The following IFT25 variants were observed in gnomAD, a reference collection of about 807,000 sequenced individuals.
The protein encoded by IFT25 is intraflagellar transport protein 25 homolog.
At chr1:53,932,891 G>T in the IFT25 span, among the ~76,000 whole-genome samples, 1 of 151,912 alleles carries the variant, frequency 6.6e-6, no homozygotes, top group Non-Finnish European at 1.5e-5. Context: ...GTTCCATGTT[G>T]TTGATTATAG....
At chr1:53,932,145 G>T in the IFT25 span, among the ~76,000 whole-genome samples, 7 of 152,272 alleles carry the variant, frequency 4.6e-5, no homozygotes, top group African/African-American at 1.7e-4. Flanking sequence ...GAGGTCAGCA[G>T]TTCAAGACCA....
At chr1:53,919,025 A>T in the IFT25 span, among the ~76,000 whole-genome samples, 4 of 152,198 alleles carry the variant, frequency 2.6e-5, no homozygotes, top group African/African-American at 9.6e-5. Flanking sequence ...TTTAGTAGAA[A>T]ACAGGGTTTC....
the IFT25 span, among the ~76,000 whole-genome samples, chr1:53,944,795 G>T: frequency 1.3e-5 from 2 of 152,124 alleles, no homozygotes; most frequent in Non-Finnish European, 2.9e-5. Flanking sequence ...GGTATTCCCT[G>T]ATGCCTTATC....
the IFT25 span, among the ~76,000 whole-genome samples, chr1:53,923,131 G>T: frequency 6.6e-6 from 1 of 152,124 alleles, no homozygotes; most frequent in Non-Finnish European, 1.5e-5. Flanking sequence ...GGTGAATTTT[G>T]GTGGGAGAGA....
chr1:53,924,084 G>A, the IFT25 span: 1 of 627,248 alleles, frequency 1.6e-6, no homozygotes, highest in Non-Finnish European at 2.8e-6. Flanking sequence ...TTTGCATGTT[G>A]AAATTTAATT....
chr1:53,915,071 T>C, the IFT25 span, among the ~76,000 whole-genome samples: 1 of 152,346 alleles, frequency 6.6e-6, no homozygotes, highest in East Asian at 1.9e-4. Context: ...TATTGTTGAC[T>C]AGCTTTATTC....
At chr1:53,924,194 T>C in the IFT25 span, among the ~76,000 whole-genome samples, 1 of 152,298 alleles carries the variant, frequency 6.6e-6, no homozygotes, top group South Asian at 2.1e-4. Context: ...AGGTCAATTA[T>C]ATTAATAGTA....
the IFT25 span, among the ~76,000 whole-genome samples, chr1:53,919,996 G>C: frequency 9.2e-5 from 14 of 152,054 alleles, 1 homozygote; most frequent in Admixed American, 9.2e-4. Context: ...ATGGGGTCTA[G>C]CTATGTTGCT....
chr1:53,921,675 T>A, the IFT25 span: 1 of 1,607,280 alleles, frequency 6.2e-7, no homozygotes, highest in Non-Finnish European at 8.5e-7. Flanking sequence ...TTGAGACTAC[T>A]GTTCCTTCTG....
the IFT25 span, among the ~76,000 whole-genome samples, chr1:53,941,597 C>A: frequency 6.6e-6 from 1 of 152,068 alleles, no homozygotes; most frequent in Admixed American, 6.6e-5. Flanking sequence ...ACCAGAGAAC[C>A]AGTCAGTGTG....
the IFT25 span, chr1:53,946,138 G>A: frequency 6.6e-6 from 1 of 152,286 alleles, no homozygotes; most frequent in Admixed American, 6.6e-5. Flanking sequence ...CCAGTCCCGG[G>A]GCGCGCGCTG....
the IFT25 span, among the ~76,000 whole-genome samples, chr1:53,931,077 T>G: frequency 6.6e-6 from 1 of 152,206 alleles, no homozygotes; most frequent in Non-Finnish European, 1.5e-5. Context: ...ACTCCAGAAT[T>G]TCCCTTATCT....
the IFT25 span, among the ~76,000 whole-genome samples, chr1:53,919,488 T>C: frequency 1.3e-5 from 2 of 152,312 alleles, no homozygotes; most frequent in African/African-American, 4.8e-5. Context: ...GAAGTCATCC[T>C]ACACTATCTA....
the IFT25 span, chr1:53,939,750 A>G: frequency 4.8e-6 from 2 of 416,052 alleles, no homozygotes; most frequent in African/African-American, 4.2e-5. Context: ...AACCACTTCT[A>G]AAAAAACCTA....
the IFT25 span, chr1:53,916,595 AAC>A: frequency 4.4e-5 from 10 of 228,754 alleles, no homozygotes; most frequent in African/African-American, 2.3e-4. Context: ...CATTTTATTG[AAC>A]ATGAACACAA....
At chr1:53,923,040 G>A in the IFT25 span, among the ~76,000 whole-genome samples, 1 of 152,078 alleles carries the variant, frequency 6.6e-6, no homozygotes, top group African/African-American at 2.4e-5. Flanking sequence ...AACCCACTAG[G>A]TAAAGACAGA....
At chr1:53,942,113 C>T in the IFT25 span, among the ~76,000 whole-genome samples, 2 of 152,148 alleles carry the variant, frequency 1.3e-5, no homozygotes, top group Admixed American at 1.3e-4. Context: ...GCTGGGATGT[C>T]AGCTGATATG....
chr1:53,926,179 T>C, the IFT25 span, among the ~76,000 whole-genome samples: 1 of 152,028 alleles, frequency 6.6e-6, no homozygotes, highest in Non-Finnish European at 1.5e-5. Flanking sequence ...AGGGTCTCAC[T>C]CTGTCGCCTA....
chr1:53,932,406 G>A, the IFT25 span, among the ~76,000 whole-genome samples: 2 of 151,736 alleles, frequency 1.3e-5, no homozygotes, highest in African/African-American at 2.4e-5. Context: ...ATTTAGAAGT[G>A]CAGTGTTTAA....
Sources: gnomAD v4.1 joint callset for allele counts (sites outside exome capture counted in the v4.1 genomes callset) on GRCh38, gnomAD v4.1.1 for gene constraint, MANE v1.5 for transcripts, NCBI Gene and HGNC (gene_info 2026-07-23, HGNC 2026-07-21) for gene names.